ABI1: variants seen among roughly 807,000 people sequenced by gnomAD.
ABI1 encodes Abelson interactor 1.
In ABI1, 14 loss-of-function variants were observed where a neutral mutation model predicts 54.6. That is an observed-to-expected ratio of 0.26 (90% confidence interval 0.17 to 0.40). The LOEUF is 0.40. Among genes scored for constraint, ABI1 ranks in the 10% least tolerant of loss-of-function variants. The pLI, the probability that ABI1 is intolerant of heterozygous loss-of-function variation, is 1.00. For missense variants in ABI1, 443 were observed against 598.3 expected (o/e 0.74, Z 2.71); for synonymous variants, 194 against 209.3 (o/e 0.93, Z 0.63).
chr10:26,801,205 G>T (rs2046529725), intron 2 of ABI1, among the ~76,000 whole-genome samples: 1 of 152,156 alleles, frequency 6.6e-6, no homozygotes, highest in African/African-American at 2.4e-5. Context: ...ACCCGACTTT[G>T]ATGAGCGTAA....
intron 1 of ABI1, among the ~76,000 whole-genome samples, chr10:26,851,079 A>G (rs2050348080): frequency 1.2e-5 from 1 of 85,332 alleles, no homozygotes; most frequent in South Asian, 6.4e-4. Flanking sequence ...AAAAAAGCAC[A>G]TGAGAACTAA....
rs1167018154 is a variant in ABI1 at position 26,777,149 on chromosome 10, T to A, written c.378A>T (p.Ala126=). The change falls in exon 3 of 11, where the codon GCA becomes GCT. Residue 126 remains alanine, a synonymous_variant. Coordinates refer to ENST00000376140, the MANE Select transcript of ABI1 (RefSeq NM_001012750.3). ...TTACAGGGCGCTCCATATTCGCAGGTGCTATTATTTTGTGAGTTCTTGATG... is the reference window on the plus strand; with the variant it reads ...TTACAGGGCGCTCCATATTCGCAGGAGCTATTATTTTGTGAGTTCTTGATG... ...KNTSRTHKII[A]PANMERPVRY... 6.2e-7 allele frequency: 1 copy of A among 1,613,990 alleles called. No individual in the cohort carries two copies. Among genetic ancestry groups the A allele is most frequent in the Non-Finnish European group, 8.5e-7 (1 of 1,179,924 alleles).
chr10:26,797,410 G>A (rs1486909478), intron 2 of ABI1, among the ~76,000 whole-genome samples: 1 of 152,214 alleles, frequency 6.6e-6, no homozygotes, highest in Non-Finnish European at 1.5e-5. Flanking sequence ...GATAGGAAGG[G>A]ATTGCACTGA....
At chr10:26,840,922 A>T (rs1401885444) in intron 1 of ABI1, among the ~76,000 whole-genome samples, 1 of 152,212 alleles carries the variant, frequency 6.6e-6, no homozygotes, top group Non-Finnish European at 1.5e-5. Flanking sequence ...ATCATCAACC[A>T]CTACCATTAG....
intron 2 of ABI1, among the ~76,000 whole-genome samples, chr10:26,804,114 G>A (rs1022470543): frequency 3.2e-4 from 48 of 152,292 alleles, no homozygotes; most frequent in African/African-American, 1.2e-3. Flanking sequence ...TGGGTGTGGT[G>A]GCTCATGTCT....
In ABI1 at chr10:26,776,963, G is replaced by A. The variant is rs192493947; in HGVS notation, c.462+102C>T. On this transcript the variant is annotated intron_variant, in intron 3 of 10. Transcript: ENST00000376140. ...TTGTATGAAAATTATAATGCCAGCT[G>A]CTAAAGAGAATCTATTAAAATCATC... 1,844 of 1,079,246 alleles carry A rather than the reference G, an allele frequency of 1.7e-3. 7 individuals carry two copies. The highest frequency in any genetic ancestry group is 2.8e-3 in the Admixed American group (104 of 36,586). The allele number at this position is 1,079,246 out of a possible 1,614,324, so 66.9% of individuals were successfully genotyped here.
chr10:26,848,340 T>C (rs1041266033), intron 1 of ABI1, among the ~76,000 whole-genome samples: 5 of 152,130 alleles, frequency 3.3e-5, no homozygotes, highest in Admixed American at 1.3e-4. Context: ...AAATGAATGA[T>C]TGTTATATCA....
At chr10:26,831,420 G>A (rs760540272) in intron 1 of ABI1, among the ~76,000 whole-genome samples, 2 of 152,052 alleles carry the variant, frequency 1.3e-5, no homozygotes, top group Non-Finnish European at 2.9e-5. Flanking sequence ...GCAGGCACCT[G>A]TAATCCCAGC....
chr10:26,768,334 T>C (rs1352808621), intron 6 of ABI1, among the ~76,000 whole-genome samples: 12 of 151,038 alleles, frequency 7.9e-5, no homozygotes, highest in Admixed American at 5.3e-4. Context: ...TCACCTGAGG[T>C]TGGGAGTTGG....
At chr10:26,777,933 G>A (rs1223933250) in intron 2 of ABI1, among the ~76,000 whole-genome samples, 1 of 152,074 alleles carries the variant, frequency 6.6e-6, no homozygotes, top group African/African-American at 2.4e-5. Context: ...CATATGCACA[G>A]TTCATTCAAA....
intron 4 of ABI1, 52 bp downstream of exon 4, chr10:26,771,023 C>T: frequency 1.9e-6 from 3 of 1,601,770 alleles, no homozygotes; most frequent in East Asian, 2.2e-5. Flanking sequence ...TCTGCAGCCT[C>T]TATCAATACA....
intron 1 of ABI1, among the ~76,000 whole-genome samples, chr10:26,846,077 G>A (rs961855131): frequency 2.6e-5 from 4 of 151,734 alleles, no homozygotes; most frequent in East Asian, 2.0e-4. Flanking sequence ...GGGAGGTAGA[G>A]GTTGCAGTGA....
chr10:26,810,241 C>A (rs2047142364), intron 2 of ABI1, among the ~76,000 whole-genome samples: 1 of 152,136 alleles, frequency 6.6e-6, no homozygotes, highest in Non-Finnish European at 1.5e-5. Flanking sequence ...AACAGAACTT[C>A]TTCCATCATA....
At chr10:26,761,557 G>T (rs558562544) in intron 7 of ABI1, among the ~76,000 whole-genome samples, 63 of 138,852 alleles carry the variant, frequency 4.5e-4, no homozygotes, top group African/African-American at 1.6e-3. Context: ...TCCTCTCCTG[G>T]ATTCCAACCC....
At chr10:26,751,835 CTTATAAG>C (rs1837677472) in intron 9 of ABI1, 52 bp from the exon 10 acceptor site, 1 of 1,477,326 alleles carries the variant, frequency 6.8e-7, no homozygotes, top group Middle Eastern at 2.3e-4. Flanking sequence ...TAGATGGAAA[CTTATAAG>C]TTAACAGAAT....
intron 2 of ABI1, among the ~76,000 whole-genome samples, chr10:26,811,381 T>C (rs1291360322): frequency 6.6e-6 from 1 of 152,144 alleles, no homozygotes; most frequent in Admixed American, 6.5e-5. Context: ...CCTCTATAAA[T>C]TTACCGTGTT....
At chr10:26,817,385 C>A (rs1037006623) in intron 2 of ABI1, among the ~76,000 whole-genome samples, 2 of 152,164 alleles carry the variant, frequency 1.3e-5, no homozygotes, top group Admixed American at 1.3e-4. Context: ...TCACTCTACA[C>A]TAGATTCTGT....
intron 9 of ABI1, 94 bp from the exon 10 acceptor site, chr10:26,751,877 A>G: frequency 9.2e-7 from 1 of 1,091,114 alleles, no homozygotes; most frequent in Non-Finnish European, 1.3e-6. Context: ...ACTTAAGTAC[A>G]GCATGCACTA....
At chr10:26,807,349 C>A (rs1273494610) in intron 2 of ABI1, among the ~76,000 whole-genome samples, 1 of 151,912 alleles carries the variant, frequency 6.6e-6, no homozygotes, top group African/African-American at 2.4e-5. Flanking sequence ...GTGGTGCATG[C>A]CTGTAGTCCC....
Sources: gnomAD v4.1 joint callset for allele counts (sites outside exome capture counted in the v4.1 genomes callset) on GRCh38, gnomAD v4.1.1 for gene constraint, MANE v1.5 for transcripts, NCBI Gene and HGNC (gene_info 2026-07-23, HGNC 2026-07-21) for gene names.